Variants in HUNK observed in about 807,000 individuals in gnomAD.
The protein encoded by HUNK is hormonally up-regulated Neu-associated kinase.
HUNK carries 21 observed loss-of-function variants against 61.0 expected under a neutral mutation model. That is an observed-to-expected ratio of 0.34 (90% confidence interval 0.24 to 0.50). The LOEUF is 0.50. Ranked by LOEUF, HUNK falls within the 20% of genes least tolerant of loss-of-function variation. The pLI, the probability that HUNK is intolerant of heterozygous loss-of-function variation, is 0.98. For missense variants in HUNK, 772 were observed against 945.7 expected (o/e 0.82, Z 2.41); for synonymous variants, 371 against 386.1 (o/e 0.96, Z 0.46).
chr21:31,953,868 A>C (rs116771515), intron 4 of HUNK, among the ~76,000 whole-genome samples: 178 of 152,334 alleles, frequency 1.2e-3, no homozygotes, highest in African/African-American at 3.6e-3. Flanking sequence ...GTCATCAATT[A>C]AAGTTACTAC....
intron 2 of HUNK, among the ~76,000 whole-genome samples, chr21:31,925,259 A>C (rs1601381463): frequency 6.6e-6 from 1 of 152,218 alleles, no homozygotes; most frequent in East Asian, 1.9e-4. Flanking sequence ...ACCCTGGGCA[A>C]GTTACTTAAC....
intron 1 of HUNK, among the ~76,000 whole-genome samples, chr21:31,879,493 A>G (rs2123786486): frequency 6.6e-6 from 1 of 152,324 alleles, no homozygotes; most frequent in South Asian, 2.1e-4. Flanking sequence ...GTTCATTGAT[A>G]CAGGTCCCAC....
chr21:31,974,281 G>A, intron 6 of HUNK: 1 of 262,034 alleles, frequency 3.8e-6, no homozygotes, highest in Non-Finnish European at 7.1e-6. Context: ...CAAGGGTTAA[G>A]GGGTAAAATG....
chr21:31,939,724 T>G (rs527478001), intron 2 of HUNK, among the ~76,000 whole-genome samples: 23 of 151,406 alleles, frequency 1.5e-4, no homozygotes, highest in Non-Finnish European at 2.5e-4. Flanking sequence ...GTTGTTTTTT[T>G]TTTTTTTTTT....
At chr21:31,933,106 G>A (rs1416912133) in intron 2 of HUNK, among the ~76,000 whole-genome samples, 2 of 151,684 alleles carry the variant, frequency 1.3e-5, no homozygotes, top group African/African-American at 4.8e-5. Context: ...AGTAGAGACA[G>A]GGTTTCACCA....
At chr21:31,923,934 G>A (rs997639043) in intron 1 of HUNK, among the ~76,000 whole-genome samples, 16 of 152,140 alleles carry the variant, frequency 1.1e-4, no homozygotes, top group Admixed American at 2.6e-4. Context: ...AGGGCAGGGC[G>A]GAGCGGGGGC....
intron 9 of HUNK, among the ~76,000 whole-genome samples, chr21:31,990,539 T>G (rs2053165291): frequency 6.6e-6 from 1 of 151,218 alleles, no homozygotes; most frequent in South Asian, 2.1e-4. Flanking sequence ...ATTTATTTAT[T>G]TATTTATTTA....
rs150109993 is a variant in HUNK, at chr21:31,939,628, G to A, written c.555-537G>A. On this transcript the variant is annotated intron_variant, in intron 2 of 10. Coordinates refer to ENST00000270112, the MANE Select transcript of HUNK (RefSeq NM_014586.2). ...TCTCCATGTTAGTCAGGCTGGTCTC[G>A]AACTCGCGACCTCAGGTGATCTGCC... 2.2e-3 allele frequency among the ~76,000 whole-genome samples: 327 copies of A among 151,480 alleles called. 4 individuals are homozygous for A. Among genetic ancestry groups the A allele is most frequent in the African/African-American group, 7.6e-3 (316 of 41,328 alleles).
intron 1 of HUNK, among the ~76,000 whole-genome samples, chr21:31,914,454 G>A (rs879391418): frequency 1.5e-5 from 2 of 130,936 alleles, no homozygotes; most frequent in Admixed American, 7.9e-5. Flanking sequence ...GCCCTAGCCC[G>A]CAGTGAATGA....
intron 1 of HUNK, among the ~76,000 whole-genome samples, chr21:31,881,083 G>A (rs979211753): frequency 8.5e-5 from 13 of 152,214 alleles, no homozygotes; most frequent in African/African-American, 1.4e-4. Context: ...GGCGGTTCCT[G>A]GGGAGAGCTC....
rs116241176 is a variant in HUNK at position 31,921,300 on chromosome 21, G to C, written c.262-3168G>C. On this transcript the variant is annotated intron_variant, in intron 1 of 10. Transcript: ENST00000270112. ...ACTTGCTGTTTATGAAGCGCTGTGT[G>C]TCGTGAAGGGGGAGTGGTCCCTGCA... 9.6e-3 allele frequency among the ~76,000 whole-genome samples: 1,457 copies of C among 152,096 alleles called. 25 individuals carry two copies. Among genetic ancestry groups the C allele is most frequent in the African/African-American group, 0.033 (1,388 of 41,462 alleles).
At chr21:31,879,724 G>A (rs1356732590) in intron 1 of HUNK, among the ~76,000 whole-genome samples, 1 of 152,182 alleles carries the variant, frequency 6.6e-6, no homozygotes, top group East Asian at 1.9e-4. Flanking sequence ...GCCCAGAAGG[G>A]GTGGGGAGTG....
In HUNK at chr21:32,003,727, ACTT is replaced by A. The variant is rs534905287; in HGVS notation, c.*4549_*4551del. On this transcript the variant is annotated 3_prime_UTR_variant, in exon 11 of 11. Transcript: ENST00000270112. ...AAAGACAAATAGGATATATATTTGTACTTCTTCTCTGTGGACATGTTTTTGTGA... is the reference window on the plus strand; with the variant it reads ...AAAGACAAATAGGATATATATTTGTACTTCTCTGTGGACATGTTTTTGTGA... 5.3e-5 allele frequency: 8 copies of A among 152,242 alleles called. No homozygotes were observed. The East Asian group carries it at 9.6e-4, about 18-fold the overall frequency. 9.4% of individuals were successfully genotyped at this position (152,242 alleles called of 1,614,324 possible). A position where few individuals can be genotyped will look rare whatever the true frequency, so the allele number is the denominator to read the frequency against.
intron 1 of HUNK, among the ~76,000 whole-genome samples, chr21:31,904,827 C>T (rs2052493921): frequency 6.6e-6 from 1 of 152,120 alleles, no homozygotes; most frequent in South Asian, 2.1e-4. Context: ...TGTGGTGGCT[C>T]ATGCCTGTAA....
intron 6 of HUNK, among the ~76,000 whole-genome samples, chr21:31,969,557 A>G (rs1601403723): frequency 6.7e-6 from 1 of 150,070 alleles, no homozygotes; most frequent in Non-Finnish European, 1.5e-5. Context: ...ATTAAAAAAC[A>G]TTTCTCTTTT....
chr21:31,892,186 G>T (rs903187160), intron 1 of HUNK, among the ~76,000 whole-genome samples: 8,725 of 103,036 alleles, frequency 0.085, 276 homozygotes, highest in African/African-American at 0.097. Flanking sequence ...TATATAGAGA[G>T]AGAGAGAGAG....
chr21:31,995,973 C>T, intron 10 of HUNK, 25 bp downstream of exon 10: 1 of 1,585,128 alleles, frequency 6.3e-7, no homozygotes, highest in Non-Finnish European at 8.6e-7. Context: ...GGGACTCTCT[C>T]AGGCCACTCG....
intron 2 of HUNK, among the ~76,000 whole-genome samples, chr21:31,931,370 C>T (rs188965092): frequency 1.8e-3 from 278 of 152,248 alleles, no homozygotes; most frequent in Middle Eastern, 6.8e-3. Flanking sequence ...TCCTCTTCAC[C>T]TTGTCTTAGA....
intron 9 of HUNK, among the ~76,000 whole-genome samples, chr21:31,993,315 G>C (rs573168945): frequency 2.2e-4 from 34 of 152,274 alleles, no homozygotes; most frequent in African/African-American, 7.7e-4. Context: ...TTAAGCTTTT[G>C]AGAACCCAAG....
Sources: gnomAD v4.1 joint callset for allele counts (sites outside exome capture counted in the v4.1 genomes callset) on GRCh38, gnomAD v4.1.1 for gene constraint, MANE v1.5 for transcripts, NCBI Gene and HGNC (gene_info 2026-07-23, HGNC 2026-07-21) for gene names.